NR3C2: variants seen among roughly 807,000 people sequenced by gnomAD.
NR3C2 encodes mineralocorticoid receptor.
A neutral mutation model predicts 86.4 loss-of-function variants in NR3C2; 15 were observed. The observed-to-expected ratio is 0.17, with a 90% CI of 0.12 to 0.27. The LOEUF (loss-of-function observed/expected upper bound fraction) is 0.27. Among genes scored for constraint, NR3C2 ranks in the 10% least tolerant of loss-of-function variants. The pLI is 1.00. For synonymous variants in NR3C2, 458 were observed against 450.5 expected (o/e 1.02, Z -0.21); for missense variants, 960 against 1,195.6 (o/e 0.80, Z 2.91).
intron 4 of NR3C2, among the ~76,000 whole-genome samples, chr4:148,168,462 T>C (rs1205550497): frequency 6.6e-6 from 1 of 152,218 alleles, no homozygotes; most frequent in East Asian, 1.9e-4. Context: ...GGGTTCCAGC[T>C]GATAGAGGTG....
intron 2 of NR3C2, among the ~76,000 whole-genome samples, chr4:148,360,656 T>C (rs1745791657): frequency 6.6e-6 from 1 of 152,348 alleles, no homozygotes; most frequent in East Asian, 1.9e-4. Context: ...AAAAGAATCA[T>C]AATTTGAATC....
chr4:148,178,538 G>A (rs1006622181), intron 4 of NR3C2, among the ~76,000 whole-genome samples: 12 of 151,846 alleles, frequency 7.9e-5, no homozygotes, highest in Admixed American at 7.2e-4. Flanking sequence ...TGGGTTTGTA[G>A]TAGAGATGTG....
intron 3 of NR3C2, among the ~76,000 whole-genome samples, chr4:148,202,239 G>C (rs1291657096): frequency 6.6e-6 from 1 of 152,208 alleles, no homozygotes; most frequent in East Asian, 1.9e-4. Context: ...CTCAGATTGA[G>C]CCTCCAGTGG....
intron 2 of NR3C2, among the ~76,000 whole-genome samples, chr4:148,426,219 C>A (rs1326963091): frequency 1.3e-5 from 2 of 152,220 alleles, no homozygotes; most frequent in Non-Finnish European, 2.9e-5. Context: ...AGGTTCTCCT[C>A]TTCAATGTTC....
chr4:148,122,706 T>C (rs1320931966), intron 6 of NR3C2, among the ~76,000 whole-genome samples: 1 of 152,206 alleles, frequency 6.6e-6, no homozygotes, highest in Non-Finnish European at 1.5e-5. Flanking sequence ...TGTGAAGATT[T>C]CATTTTAATA....
At chr4:148,141,438 C>CCT (rs1173984929) in intron 6 of NR3C2, among the ~76,000 whole-genome samples, 9 of 122,652 alleles carry the variant, frequency 7.3e-5, no homozygotes, top group South Asian at 5.0e-4. Context: ...TCTCTCTCTC[C>CCT]CTCTCTCTCA....
chr4:148,318,019 T>A (rs1191729359), intron 2 of NR3C2, among the ~76,000 whole-genome samples: 9 of 99,146 alleles, frequency 9.1e-5, no homozygotes, highest in Non-Finnish European at 1.6e-4. Context: ...ATGCTATCCC[T>A]CCCCCCTCCC....
intron 2 of NR3C2, among the ~76,000 whole-genome samples, chr4:148,359,410 C>G (rs1561062821): frequency 6.6e-6 from 1 of 152,170 alleles, no homozygotes; most frequent in Non-Finnish European, 1.5e-5. Context: ...TGATACACAT[C>G]CACTTGGGTT....
rs556465736 is a variant in NR3C2, at chr4:148,241,265, C to T, written c.1897+18713G>A. Among the ~76,000 whole-genome samples the T allele has an allele frequency of 6.5e-4, 77 of 117,662 alleles. 1 individual carries two copies. The South Asian group carries it at 0.02, about 31-fold the overall frequency. The allele number at this position is 117,662 out of a possible 152,430, so 77.2% of individuals were successfully genotyped here. On this transcript the variant is annotated intron_variant, in intron 3 of 8. Coordinates refer to ENST00000358102, the MANE Select transcript of NR3C2 (RefSeq NM_000901.5). Reference sequence around the variant, plus strand: ...AGGTTGCAGTGAGCAAAGATTATGCCATTGCACTCCAGCCTGGAAGACAGA... The same window carrying T: ...AGGTTGCAGTGAGCAAAGATTATGCTATTGCACTCCAGCCTGGAAGACAGA...
chr4:148,403,032 G>A (rs1748247236), intron 2 of NR3C2, among the ~76,000 whole-genome samples: 1 of 151,784 alleles, frequency 6.6e-6, no homozygotes, highest in African/African-American at 2.4e-5. Flanking sequence ...ATATTTGTAT[G>A]TGTATATATA....
intron 2 of NR3C2, among the ~76,000 whole-genome samples, chr4:148,344,803 C>T (rs933241168): frequency 2.6e-5 from 4 of 152,162 alleles, no homozygotes; most frequent in African/African-American, 9.7e-5. Flanking sequence ...TGCATCTCTG[C>T]TGGATTTGAA....
At chr4:148,163,646 G>T (rs17483701) in intron 4 of NR3C2, among the ~76,000 whole-genome samples, 50,228 of 140,988 alleles carry the variant, frequency 0.36, 9,154 homozygotes, top group East Asian at 0.54. Flanking sequence ...CAAGCTGTTT[G>T]CTCAGTCCTG....
intron 2 of NR3C2, among the ~76,000 whole-genome samples, chr4:148,319,051 G>C (rs1743397477): frequency 6.7e-6 from 1 of 150,084 alleles, no homozygotes; most frequent in Admixed American, 6.6e-5. Flanking sequence ...ATTGATTTTT[G>C]TATAAGGTGT....
intron 2 of NR3C2, among the ~76,000 whole-genome samples, chr4:148,397,951 T>C (rs1419983817): frequency 6.6e-6 from 1 of 152,178 alleles, no homozygotes; most frequent in East Asian, 1.9e-4. Context: ...AGAGCCACAC[T>C]CCCTCTGAAG....
At chr4:148,382,200 T>C (rs1447793700) in intron 2 of NR3C2, among the ~76,000 whole-genome samples, 2 of 152,166 alleles carry the variant, frequency 1.3e-5, no homozygotes, top group Non-Finnish European at 2.9e-5. Flanking sequence ...ATCTCCAAAT[T>C]AGAAGGCAGA....
intron 2 of NR3C2, among the ~76,000 whole-genome samples, chr4:148,399,410 T>C (rs773622845): frequency 2.4e-4 from 36 of 151,770 alleles, no homozygotes; most frequent in Non-Finnish European, 5.0e-4. Context: ...TTAAATGACA[T>C]ACATATAGTG....
intron 2 of NR3C2, among the ~76,000 whole-genome samples, chr4:148,289,989 T>C (rs1741721373): frequency 6.6e-6 from 1 of 152,128 alleles, no homozygotes; most frequent in Non-Finnish European, 1.5e-5. Flanking sequence ...TTGAGTGACT[T>C]AGACTGTGAC....
chr4:148,408,453 C>G (rs61756956), intron 2 of NR3C2, among the ~76,000 whole-genome samples: 2,674 of 152,226 alleles, frequency 0.018, 34 homozygotes, highest in Non-Finnish European at 0.028. Context: ...AGAGTTTTAT[C>G]TTGATTCCCC....
At chr4:148,306,973 A>G (rs1366772048) in intron 2 of NR3C2, among the ~76,000 whole-genome samples, 1 of 152,156 alleles carries the variant, frequency 6.6e-6, no homozygotes, top group East Asian at 1.9e-4. Flanking sequence ...ACTTAAAACT[A>G]TTTCCTTAAT....
Sources: gnomAD v4.1 joint callset for allele counts (sites outside exome capture counted in the v4.1 genomes callset) on GRCh38, gnomAD v4.1.1 for gene constraint, MANE v1.5 for transcripts, NCBI Gene and HGNC (gene_info 2026-07-23, HGNC 2026-07-21) for gene names.